CTNNA2: variants seen among roughly 807,000 people sequenced by gnomAD.
CTNNA2 encodes the protein catenin alpha-2.
In CTNNA2, 42 loss-of-function variants were observed where a neutral mutation model predicts 101.0. The ratio of observed to expected loss-of-function variants is 0.42; its 90% CI spans 0.32 to 0.54. CTNNA2 has a LOEUF of 0.54. Ranked by LOEUF, CTNNA2 falls within the 20% of genes least tolerant of loss-of-function variation. CTNNA2 has a pLI of 0.14. For missense variants in CTNNA2, 871 were observed against 1,223.1 expected (o/e 0.71, Z 4.29); for synonymous variants, 450 against 456.4 (o/e 0.99, Z 0.18).
intron 3 of CTNNA2, among the ~76,000 whole-genome samples, chr2:79,845,442 T>G (rs1470214829): frequency 6.6e-6 from 1 of 152,108 alleles, no homozygotes; most frequent in Non-Finnish European, 1.5e-5. Flanking sequence ...CATATAGCTA[T>G]GTTCATATCA....
chr2:80,130,049 G>A (rs939902987), intron 7 of CTNNA2, among the ~76,000 whole-genome samples: 2 of 152,088 alleles, frequency 1.3e-5, no homozygotes, highest in African/African-American at 2.4e-5. Context: ...TTACTAACCT[G>A]ATCAAAAGAA....
intron 9 of CTNNA2, among the ~76,000 whole-genome samples, chr2:80,434,352 T>C (rs1211576641): frequency 6.6e-6 from 1 of 152,200 alleles, no homozygotes; most frequent in African/African-American, 2.4e-5. Context: ...TTAATGTACT[T>C]GTAGCTATTC....
intron 2 of CTNNA2, among the ~76,000 whole-genome samples, chr2:79,210,088 T>TTTTGTG (rs112984318): frequency 6.9e-6 from 1 of 144,786 alleles, no homozygotes; most frequent in East Asian, 2.1e-4. Context: ...TCAAGCTATA[T>TTTTGTG]TGTGTGTGTG....
intron 7 of CTNNA2, among the ~76,000 whole-genome samples, chr2:80,275,589 T>A (rs1201581215): frequency 6.6e-6 from 1 of 152,152 alleles, no homozygotes; most frequent in African/African-American, 2.4e-5. Context: ...GTTGTTGATA[T>A]TGTTAATTAA....
intron 3 of CTNNA2, among the ~76,000 whole-genome samples, chr2:79,851,533 A>G (rs557217927): frequency 5.3e-5 from 8 of 152,108 alleles, no homozygotes; most frequent in Non-Finnish European, 1.2e-4. Context: ...CTCTCTAAAA[A>G]CATGTTTTAG....
At chr2:79,577,297 G>C (rs997167769) in intron 1 of CTNNA2, among the ~76,000 whole-genome samples, 1 of 151,926 alleles carries the variant, frequency 6.6e-6, no homozygotes, top group Non-Finnish European at 1.5e-5. Flanking sequence ...TATTTTTCCA[G>C]ATAAGCATTT....
At chr2:79,573,458 A>C (rs1675590863) in intron 1 of CTNNA2, among the ~76,000 whole-genome samples, 1 of 152,238 alleles carries the variant, frequency 6.6e-6, no homozygotes, top group South Asian at 2.1e-4. Context: ...TGAAGTCTGT[A>C]AGTTACAATT....
chr2:80,056,602 T>C (rs1476079867), intron 7 of CTNNA2, among the ~76,000 whole-genome samples: 1 of 152,234 alleles, frequency 6.6e-6, no homozygotes, highest in Non-Finnish European at 1.5e-5. Context: ...ATATATACTG[T>C]CCTCATTCCT....
chr2:79,777,325 TTATGTGTGTGTG>T (rs1285461376), intron 3 of CTNNA2, among the ~76,000 whole-genome samples: 174 of 124,440 alleles, frequency 1.4e-3, no homozygotes, highest in African/African-American at 3.1e-3. Flanking sequence ...CAAACACTTG[TTATGTGTGTGTG>T]TGTGTGTGTG....
At chr2:79,250,992 G>T (rs528129698) in intron 2 of CTNNA2, among the ~76,000 whole-genome samples, 1 of 152,242 alleles carries the variant, frequency 6.6e-6, no homozygotes, top group Non-Finnish European at 1.5e-5. Context: ...GGAAAAAAAT[G>T]ATTTACTCTG....
intron 17 of CTNNA2, chr2:80,612,798 A>G (rs1284341335): frequency 6.6e-6 from 1 of 151,364 alleles, no homozygotes; most frequent in African/African-American, 2.4e-5. Context: ...CATGATCTCC[A>G]TGGATCAAAG....
At chr2:80,146,710 G>GTTTTTTTTTTTTTTTTTTTTT (rs34019123) in intron 7 of CTNNA2, among the ~76,000 whole-genome samples, 3 of 61,744 alleles carry the variant, frequency 4.9e-5, no homozygotes, top group Non-Finnish European at 6.1e-5. Flanking sequence ...GTCCCCTCTG[G>GTTTTTTTTTTTTTTTTTTTTT]TTTTTTTTTT....
Position 79,829,308 on chromosome 2 carries a change from G to C in CTNNA2, c.299-28705G>C, listed in dbSNP as rs151109414. Among the ~76,000 whole-genome samples the C allele has an allele frequency of 9.5e-3, 1,429 of 150,286 alleles. 17 individuals carry two copies. The highest frequency in any genetic ancestry group is 0.039 in the East Asian group (195 of 4,946). The stretch of plus-strand genomic sequence containing the variant: ...CCGAGGTGGGCGGATCATAAGGTCA[G>C]GAGTTGGAGACCAGCCTGGCTAATA... On this transcript the variant is annotated intron_variant, in intron 3 of 18. Transcript: ENST00000402739.
intron 1 of CTNNA2, among the ~76,000 whole-genome samples, chr2:79,515,762 C>G (rs1011461754): frequency 6.6e-6 from 1 of 152,194 alleles, no homozygotes; most frequent in African/African-American, 2.4e-5. Context: ...TAAAGACTGA[C>G]TTCCTCTGAA....
chr2:79,982,460 C>T (rs1308355505), intron 7 of CTNNA2, among the ~76,000 whole-genome samples: 2 of 142,502 alleles, frequency 1.4e-5, no homozygotes, highest in East Asian at 4.2e-4. Context: ...CTGCTTATTA[C>T]AGACTCCTAA....
At chr2:79,651,493 C>G in intron 1 of CTNNA2, 59 bp from the exon 2 acceptor site, 1 of 1,505,676 alleles carries the variant, frequency 6.6e-7, no homozygotes, top group Non-Finnish European at 9.2e-7. Flanking sequence ...TTTGAATCAC[C>G]AAAGTTACAA....
At chr2:80,452,026 A>T (rs1683559781) in intron 9 of CTNNA2, among the ~76,000 whole-genome samples, 1 of 152,236 alleles carries the variant, frequency 6.6e-6, no homozygotes, top group South Asian at 2.1e-4. Context: ...TATTAAATAG[A>T]TGACTAATTA....
intron 7 of CTNNA2, among the ~76,000 whole-genome samples, chr2:80,325,544 TTA>T (rs78521458): frequency 1.3e-5 from 2 of 152,336 alleles, no homozygotes; most frequent in East Asian, 3.9e-4. Flanking sequence ...GAGAACTTTG[TTA>T]TGTCACTCAC....
intron 7 of CTNNA2, among the ~76,000 whole-genome samples, chr2:80,178,391 C>T (rs1444203169): frequency 1.3e-5 from 2 of 152,196 alleles, no homozygotes; most frequent in Admixed American, 6.5e-5. Context: ...AGGCCAAGAG[C>T]TGTCTCTCAA....
Sources: gnomAD v4.1 joint callset for allele counts (sites outside exome capture counted in the v4.1 genomes callset) on GRCh38, gnomAD v4.1.1 for gene constraint, MANE v1.5 for transcripts, NCBI Gene and HGNC (gene_info 2026-07-23, HGNC 2026-07-21) for gene names.